RB1CC1: variants seen among roughly 807,000 people sequenced by gnomAD.
RB1CC1 encodes RB1 inducible coiled-coil 1, also known as RB1-inducible coiled-coil protein 1.
RB1CC1 carries 46 observed loss-of-function variants against 177.5 expected under a neutral mutation model. The observed-to-expected ratio is 0.26, with a 90% CI of 0.20 to 0.33. The LOEUF is 0.33. Among genes scored for constraint, RB1CC1 ranks in the 10% least tolerant of loss-of-function variants. The pLI is 1.00. For synonymous variants in RB1CC1, 666 were observed against 613.6 expected, an observed-to-expected ratio of 1.09 and a Z score of -1.26; for missense variants, 1,703 against 1,816.3, an observed-to-expected ratio of 0.94 and a Z score of 1.13.
rs1851195645 is a variant in RB1CC1, at chr8:52,657,633, A to T, written c.2196T>A (p.Phe732Leu). ...TTACAAACTCATTCACAGCAGACATAAAATCTGATTCAGGACTTTCTGCTA... is the reference window on the plus strand; with the variant it reads ...TTACAAACTCATTCACAGCAGACATTAAATCTGATTCAGGACTTTCTGCTA... ...DSLAESPESDFMSAVNEFVIE... is the reference protein window; with the variant it reads ...DSLAESPESDLMSAVNEFVIE... Residue 732 changes from phenylalanine to leucine, a missense_variant, in exon 15 of 24, where the codon TTT (phenylalanine) becomes TTA (leucine). By Grantham distance (22) the Phe-to-Leu change is conservative. Around this residue, in one of 6 missense-constraint regions of RB1CC1, gnomAD observed 1,169 missense variants for 1,184.7 expected, o/e 0.99. Transcript: ENST00000025008. The T allele has an allele frequency of 6.2e-7, 1 of 1,614,048 alleles. No individual in the cohort carries two copies. The highest frequency in any genetic ancestry group is 8.5e-7 in the Non-Finnish European group (1 of 1,180,034).
At chr8:52,683,493 A>G (rs1853958496) in intron 5 of RB1CC1, 56 bp downstream of exon 5, 1 of 1,443,754 alleles carries the variant, frequency 6.9e-7, no homozygotes, top group Non-Finnish European at 9.3e-7. Flanking sequence ...CTACTGTGCT[A>G]TTTAGATCCG....
chr8:52,701,952 C>T (rs1856107358), intron 1 of RB1CC1, among the ~76,000 whole-genome samples: 2 of 152,182 alleles, frequency 1.3e-5, no homozygotes, highest in East Asian at 1.9e-4. Context: ...GGATTACAGG[C>T]ACCTGCCACC....
chr8:52,683,442 T>G, intron 5 of RB1CC1, 107 bp downstream of exon 5: 1 of 1,038,564 alleles, frequency 9.6e-7, no homozygotes, highest in Non-Finnish European at 1.3e-6. Context: ...TTTTTAAAGT[T>G]TATTTGTCAA....
At chr8:52,695,227 T>C (rs1017387712) in intron 1 of RB1CC1, among the ~76,000 whole-genome samples, 4 of 152,230 alleles carry the variant, frequency 2.6e-5, no homozygotes, top group Non-Finnish European at 5.9e-5. Context: ...AAAAAGTACT[T>C]TAGAAATACT....
At chr8:52,704,046 A>T (rs775599900) in intron 1 of RB1CC1, among the ~76,000 whole-genome samples, 27 of 151,738 alleles carry the variant, frequency 1.8e-4, no homozygotes, top group Non-Finnish European at 3.2e-4. Flanking sequence ...GTTAAAAAAC[A>T]TTCAGCAAAA....
chr8:52,674,625 G>A (rs1852918940), intron 6 of RB1CC1, among the ~76,000 whole-genome samples: 2 of 152,166 alleles, frequency 1.3e-5, no homozygotes, highest in Admixed American at 6.5e-5. Flanking sequence ...AAAATTAGCC[G>A]AGTGTGGTGG....
At chr8:52,708,399 C>T (rs185845569) in intron 1 of RB1CC1, among the ~76,000 whole-genome samples, 3 of 152,248 alleles carry the variant, frequency 2.0e-5, no homozygotes, top group Admixed American at 1.3e-4. Flanking sequence ...TGCCTGTAGT[C>T]CCAGCTGCTT....
intron 1 of RB1CC1, 63 bp from the exon 2 acceptor site, chr8:52,687,030 T>C (rs955917590): frequency 4.5e-6 from 2 of 444,294 alleles, no homozygotes; most frequent in African/African-American, 2.0e-5. Context: ...CATATGGCTA[T>C]TGTTCCTTTC....
chr8:52,645,767 C>T lies in RB1CC1; in HGVS notation c.3922G>A (p.Glu1308Lys). The change falls in exon 16 of 24, where the codon GAG (glutamate) becomes AAG (lysine). Residue 1308 changes from glutamate (E) to lysine (K), a missense_variant. Glu to Lys is a moderately conservative substitution (Grantham distance 56). Around this residue, in one of 6 missense-constraint regions of RB1CC1, gnomAD observed 1,169 missense variants for 1,184.7 expected, o/e 0.99. Coordinates refer to ENST00000025008, the MANE Select transcript of RB1CC1 (RefSeq NM_014781.5). The stretch of plus-strand genomic sequence containing the variant: ...TCTTCATTCTTTCTTTTTTCTTGCT[C>T]TTCAAGTTGTTCTAGAAACTTAGCT... ...EKAKFLEQLE[E>K]QEKRKNEEMQ... 6.2e-7 allele frequency: 1 copy of T among 1,610,894 alleles called. No homozygotes were observed. The highest frequency in any genetic ancestry group is 8.5e-7 in the Non-Finnish European group (1 of 1,179,098).
intron 1 of RB1CC1, among the ~76,000 whole-genome samples, chr8:52,688,815 G>A (rs112882818): frequency 2.1e-4 from 32 of 152,222 alleles, no homozygotes; most frequent in East Asian, 9.7e-4. Flanking sequence ...ATGTGATGTC[G>A]CCCCCGGCGG....
chr8:52,657,548 C>T lies in RB1CC1; in HGVS notation c.2281G>A (p.Val761Met), dbSNP rs1179147298. Residue 761 changes from valine (V) to methionine (M), a missense_variant, in exon 15 of 24, where the codon GTG becomes ATG. By Grantham distance (21) the Val-to-Met change is conservative. This residue lies in a region of RB1CC1 where 1,169 missense variants were observed against 1,184.7 expected (regional missense o/e 0.99). Coordinates refer to ENST00000025008, the MANE Select transcript of RB1CC1 (RefSeq NM_014781.5). ...ATAACTGATGAATAAAGTGATTCCA[C>T]CATCATTTCTGGGCTTTGTGGATCA... is the stretch of plus-strand genomic sequence containing the variant. Reference protein sequence around the residue: ...ISDPQSPEMMVESLYSSVINA... With the variant: ...ISDPQSPEMMMESLYSSVINA... 4 of 1,613,916 alleles carry T rather than the reference C, an allele frequency of 2.5e-6. No homozygotes were observed. The African/African-American group carries it at 4.0e-5, about 16-fold the overall frequency.
At chr8:52,653,508 G>C (rs1322735469) in intron 15 of RB1CC1, among the ~76,000 whole-genome samples, 1 of 152,104 alleles carries the variant, frequency 6.6e-6, no homozygotes, top group Admixed American at 6.5e-5. Context: ...GAAAACTCTA[G>C]ATCTAGTATT....
chr8:52,694,241 A>G lies in RB1CC1; in HGVS notation c.-166-7274T>C, dbSNP rs182675130. 2.3e-3 allele frequency among the ~76,000 whole-genome samples: 356 copies of G among 152,336 alleles called. 11 individuals carry two copies. The highest frequency in any genetic ancestry group is 0.022 in the Admixed American group (330 of 15,302). On this transcript the variant is annotated intron_variant, in intron 1 of 23. Transcript: ENST00000025008. ...CAGTGAGGAGTATAATCTTGGCTCT[A>G]GAGTGGAAGACTCAACAGGTCACGT...
Position 52,674,088 on chromosome 8 carries a change from A to C in RB1CC1, c.759T>G (p.Ser253=), listed in dbSNP as rs756655906. 12 of 1,614,140 alleles carry C rather than the reference A, an allele frequency of 7.4e-6. No individual in the cohort carries two copies. Residue 253 remains serine (S), a synonymous_variant, in exon 7 of 24, where the codon TCT becomes TCG. Coordinates refer to ENST00000025008, the MANE Select transcript of RB1CC1 (RefSeq NM_014781.5). ...SPDMPRTTNE[S]LLTSFPKSVE... ...CTGACTTGGGAAATGAGGTTAACAA[A>C]GATTCGTTAGTTGTTCTAGGCATAT...
Position 52,656,080 on chromosome 8 carries a change from T to G in RB1CC1, c.3749A>C (p.Lys1250Thr), listed in dbSNP as rs541630265. Residue 1250 changes from lysine to threonine, a missense_variant, in exon 15 of 24, where the codon AAA becomes ACA. Physicochemically the swap from Lys to Thr is moderately conservative, Grantham distance 78 (BLOSUM62 -1). Around this residue, in one of 6 missense-constraint regions of RB1CC1, gnomAD observed 1,169 missense variants for 1,184.7 expected, o/e 0.99. Transcript: ENST00000025008. ...EAIQTALKEF[K>T]LEREVVEKEL... ...TTTCTCAACAACTTCTCTCTCCAAT[T>G]TAAATTCTTTTAGGGCAGTCTGAAT... 5.0e-6 allele frequency: 8 copies of G among 1,613,458 alleles called. 1 individual carries two copies. In the South Asian group the frequency reaches 8.8e-5, roughly 18 times the overall value.
intron 6 of RB1CC1, among the ~76,000 whole-genome samples, chr8:52,674,931 T>C (rs956908048): frequency 1.3e-5 from 2 of 152,192 alleles, no homozygotes; most frequent in African/African-American, 4.8e-5. Context: ...AAATCAAATA[T>C]ATTTGATATA....
chr8:52,683,002 T>C (rs1853906876), intron 5 of RB1CC1, among the ~76,000 whole-genome samples: 1 of 152,202 alleles, frequency 6.6e-6, no homozygotes, highest in Admixed American at 6.5e-5. Flanking sequence ...TAACACATTT[T>C]TTCCATGATT....
At position 52,696,048 on chromosome 8, in the gene RB1CC1, G is replaced by T. The variant is rs558233811; in HGVS notation, c.-166-9081C>A. Among the ~76,000 whole-genome samples, 73 of 152,088 alleles carry T rather than the reference G, an allele frequency of 4.8e-4. No individual in the cohort carries two copies. The East Asian group carries it at 0.01, about 21-fold the overall frequency. On this transcript the variant is annotated intron_variant, in intron 1 of 23. Transcript: ENST00000025008. ...AACCTCATTACACACTCATACTATG[G>T]TTTTTTTGTTTTTCAGACGGAGTCT... is the stretch of plus-strand genomic sequence containing the variant.
chr8:52,644,902 A>G (rs1009428645), intron 16 of RB1CC1, among the ~76,000 whole-genome samples: 3 of 152,194 alleles, frequency 2.0e-5, no homozygotes, highest in Non-Finnish European at 4.4e-5. Flanking sequence ...CCCAAACTGC[A>G]ATATTATCCC....
Sources: gnomAD v4.1 joint callset for allele counts (sites outside exome capture counted in the v4.1 genomes callset) on GRCh38, gnomAD v4.1.1 for gene constraint, gnomAD v4.1.1 regional missense constraint, MANE v1.5 for transcripts, NCBI Gene and HGNC (gene_info 2026-07-23, HGNC 2026-07-21) for gene names.